The following ADPGK variants were observed in gnomAD, a reference collection of about 807,000 sequenced individuals.
ADPGK encodes the protein ADP-dependent glucokinase.
ADPGK carries 26 observed loss-of-function variants against 42.4 expected under a neutral mutation model. The ratio of observed to expected loss-of-function variants is 0.61; its 90% CI spans 0.45 to 0.85. ADPGK has a LOEUF of 0.85. ADPGK is among the 40% of genes least tolerant of loss of function. The pLI is 0.00. For missense variants in ADPGK, 571 were observed against 627.0 expected (o/e 0.91, Z 0.95); for synonymous variants, 267 against 252.6 (o/e 1.06, Z -0.54).
At chr15:72,753,597 T>A (rs1291533237) in intron 6 of ADPGK, among the ~76,000 whole-genome samples, 1 of 152,224 alleles carries the variant, frequency 6.6e-6, no homozygotes, top group African/African-American at 2.4e-5. Context: ...CTTGTATGTA[T>A]GTGTGCATGT....
intron 1 of ADPGK, among the ~76,000 whole-genome samples, chr15:72,782,033 C>CTCCA (rs1225037304): frequency 6.6e-6 from 1 of 152,200 alleles, no homozygotes; most frequent in African/African-American, 2.4e-5. Flanking sequence ...GACTATCAGC[C>CTCCA]TCCAGATCCA....
At chr15:72,781,235 C>T (rs910861293) in intron 1 of ADPGK, among the ~76,000 whole-genome samples, 3 of 152,224 alleles carry the variant, frequency 2.0e-5, no homozygotes, top group Non-Finnish European at 4.4e-5. Flanking sequence ...CCACCCTTCA[C>T]ATTCCCACCA....
At chr15:72,765,100 A>G (rs1194864475) in intron 3 of ADPGK, among the ~76,000 whole-genome samples, 2 of 152,088 alleles carry the variant, frequency 1.3e-5, no homozygotes, top group African/African-American at 4.8e-5. Flanking sequence ...TGATGTTTTC[A>G]CACCTGCTAA....
At chr15:72,771,758 G>GT in intron 3 of ADPGK, 25 bp downstream of exon 3, 2 of 1,597,458 alleles carry the variant, frequency 1.3e-6, no homozygotes, top group Non-Finnish European at 1.7e-6. Flanking sequence ...AAAGGCATAG[G>GT]TTTTAATCTA....
At position 72,755,658 on chromosome 15, in the gene ADPGK, C is replaced by T; in HGVS notation, c.841-4G>A. 6.2e-7 allele frequency: 1 copy of T among 1,604,204 alleles called. No individual in the cohort carries two copies. The highest frequency in any genetic ancestry group is 8.5e-7 in the Non-Finnish European group (1 of 1,171,472). On this transcript the variant is annotated splice_region_variant and splice_polypyrimidine_tract_variant and intron_variant, in intron 5 of 6. Coordinates refer to ENST00000456471, the MANE Select transcript of ADPGK (RefSeq NM_001365225.1). ...TGTCAGAAATGGAGGTTACAACCTG[C>T]AAAGAGAAGAAGATAAGCACTGCCA... is the stretch of plus-strand genomic sequence containing the variant.
intron 3 of ADPGK, among the ~76,000 whole-genome samples, chr15:72,766,557 C>CT (rs1378618906): frequency 6.6e-6 from 1 of 152,176 alleles, no homozygotes; most frequent in Non-Finnish European, 1.5e-5. Context: ...ATTGTGTACA[C>CT]TTTTTTTCAG....
chr15:72,756,435 C>G lies in ADPGK; in HGVS notation c.656G>C (p.Gly219Ala). The G allele has an allele frequency of 1.2e-6, 2 of 1,614,132 alleles. No homozygotes were observed. Among genetic ancestry groups the G allele is most frequent in the Non-Finnish European group, 1.7e-6 (2 of 1,180,010 alleles). The change falls in exon 5 of 7, where the codon GGC becomes GCC. Residue 219 changes from glycine to alanine, a missense_variant. Gly to Ala is a moderately conservative substitution (Grantham distance 60, BLOSUM62 0). This residue lies in a region of ADPGK where 434 missense variants were observed against 522.7 expected (regional missense o/e 0.83). Coordinates refer to ENST00000456471, the MANE Select transcript of ADPGK (RefSeq NM_001365225.1). Reference protein sequence around the residue: ...ILEYQAGEEWGQLKAPHANRF... With the variant: ...ILEYQAGEEWAQLKAPHANRF... ...GTTGGCATGGGGAGCTTTTAACTGGCCCCACTCCTCCCCTGGAAAAACCCA... is the reference window on the plus strand; with the variant it reads ...GTTGGCATGGGGAGCTTTTAACTGGGCCCACTCCTCCCCTGGAAAAACCCA...
intron 6 of ADPGK, among the ~76,000 whole-genome samples, chr15:72,753,662 T>C (rs1318790830): frequency 6.6e-6 from 1 of 152,232 alleles, no homozygotes; most frequent in Non-Finnish European, 1.5e-5. Flanking sequence ...CAATAGCAGC[T>C]TTCCTTCACT....
chr15:72,756,633 A>T, intron 4 of ADPGK, 186 bp from the exon 5 acceptor site: 1 of 619,634 alleles, frequency 1.6e-6, no homozygotes, highest in Admixed American at 3.0e-5. Flanking sequence ...AAAAACCTAA[A>T]CCCAAACCCA....
chr15:72,755,478 G>T, intron 6 of ADPGK, 78 bp downstream of exon 6: 1 of 1,085,514 alleles, frequency 9.2e-7, no homozygotes, highest in Non-Finnish European at 1.4e-6. Context: ...AGCCCAAACA[G>T]ATGGTCCCAC....
At chr15:72,779,110 G>A (rs932565976) in intron 1 of ADPGK, among the ~76,000 whole-genome samples, 1 of 152,000 alleles carries the variant, frequency 6.6e-6, no homozygotes, top group African/African-American at 2.4e-5. Flanking sequence ...GTACATGAAG[G>A]GATTAACCTT....
chr15:72,768,054 T>C (rs1272379315), intron 3 of ADPGK, among the ~76,000 whole-genome samples: 1 of 151,912 alleles, frequency 6.6e-6, no homozygotes, highest in African/African-American at 2.4e-5. Flanking sequence ...AAAAAGAAGA[T>C]ACAAATGACC....
At chr15:72,769,696 C>T (rs981981274) in intron 3 of ADPGK, among the ~76,000 whole-genome samples, 4 of 152,172 alleles carry the variant, frequency 2.6e-5, no homozygotes, top group Non-Finnish European at 4.4e-5. Flanking sequence ...CTAAACCTGC[C>T]TTTACTATAT....
intron 4 of ADPGK, chr15:72,758,118 A>G (rs2066139762): frequency 1.2e-6 from 2 of 1,613,482 alleles, no homozygotes; most frequent in Non-Finnish European, 1.7e-6. Flanking sequence ...ATCATGTGCA[A>G]TCCAGAAAGG....
At chr15:72,771,670 G>C in intron 3 of ADPGK, 113 bp downstream of exon 3, 1 of 927,952 alleles carries the variant, frequency 1.1e-6, no homozygotes, top group Non-Finnish European at 1.6e-6. Context: ...CCAGGGTCTG[G>C]TACATAGTAG....
intron 3 of ADPGK, among the ~76,000 whole-genome samples, chr15:72,762,844 C>G (rs748962229): frequency 6.6e-6 from 1 of 152,058 alleles, no homozygotes; most frequent in South Asian, 2.1e-4. Flanking sequence ...TTTAGCTAGG[C>G]GTGGTGGCAC....
At position 72,752,714 on chromosome 15, in the gene ADPGK, G is replaced by C; in HGVS notation, c.1121C>G (p.Ser374Trp). 2 of 1,614,186 alleles carry C rather than the reference G, an allele frequency of 1.2e-6. No homozygotes were observed. The highest frequency in any genetic ancestry group is 2.2e-5 in the East Asian group (1 of 44,866). Residue 374 changes from serine (S) to tryptophan (W), a missense_variant, in exon 7 of 7, where the codon TCG becomes TGG. By Grantham distance (177) the Ser-to-Trp change is radical. Coordinates refer to ENST00000456471, the MANE Select transcript of ADPGK (RefSeq NM_001365225.1). Reference protein sequence around the residue: ...KEHGRSKSRASDLTRIHFHTL... With the variant: ...KEHGRSKSRAWDLTRIHFHTL... The stretch of plus-strand genomic sequence containing the variant: ...GTGGAAATGGATCCTGGTGAGATCC[G>C]AGGCTCTGCTTTTACTCCTCCCATG...
chr15:72,775,455 C>A (rs1040872167), intron 1 of ADPGK, among the ~76,000 whole-genome samples: 37 of 152,148 alleles, frequency 2.4e-4, no homozygotes, highest in African/African-American at 8.0e-4. Context: ...GTGACTTGGG[C>A]AAGTCACTAA....
At chr15:72,753,799 G>A (rs2066077289) in intron 6 of ADPGK, among the ~76,000 whole-genome samples, 1 of 152,132 alleles carries the variant, frequency 6.6e-6, no homozygotes, top group Non-Finnish European at 1.5e-5. Flanking sequence ...TAAGTAGACA[G>A]TTACAGAGAA....
Sources: gnomAD v4.1 joint callset for allele counts (sites outside exome capture counted in the v4.1 genomes callset) on GRCh38, gnomAD v4.1.1 for gene constraint, gnomAD v4.1.1 regional missense constraint, MANE v1.5 for transcripts, NCBI Gene and HGNC (gene_info 2026-07-23, HGNC 2026-07-21) for gene names.